TNK2: variants seen among roughly 807,000 people sequenced by gnomAD.
TNK2 encodes the protein activated CDC42 kinase 1.
In TNK2, 83 loss-of-function variants were observed where a neutral mutation model predicts 101.8. That is an observed-to-expected ratio of 0.82 (90% CI 0.68 to 0.98). The LOEUF is 0.98. TNK2 is among the 50% of genes least tolerant of loss of function. The pLI, the probability that TNK2 is intolerant of heterozygous loss-of-function variation, is 0.00. For missense variants in TNK2, 1,665 were observed against 1,483.2 expected, an observed-to-expected ratio of 1.12 and a Z score of -2.01; for synonymous variants, 804 against 633.0, an observed-to-expected ratio of 1.27 and a Z score of -4.06.
At chr3:195,900,783 G>C (rs1166786650) in intron 1 of TNK2, among the ~76,000 whole-genome samples, 11 of 152,214 alleles carry the variant, frequency 7.2e-5, no homozygotes, top group African/African-American at 2.2e-4. Context: ...GGCCCAGAGG[G>C]AAGGATGTGG....
chr3:195,904,330 C>T (rs1407715222), intron 1 of TNK2, among the ~76,000 whole-genome samples: 2 of 149,438 alleles, frequency 1.3e-5, no homozygotes, highest in South Asian at 4.2e-4. Context: ...TATATTCATA[C>T]AATAGAATAT....
In TNK2 at chr3:195,878,934, G is replaced by A. The variant is rs1750934805; in HGVS notation, c.1014+115C>T. On this transcript the variant is annotated intron_variant, in intron 7 of 15. Transcript: ENST00000672887. The surrounding 1 kb of genome is among the most constrained non-coding windows in gnomAD (Gnocchi z 4.7). ...AGGCACGGGAAGTGGGGGGAGGCACGGGGCGTGGGAGGAGGGAGTCCATTG... is the reference window on the plus strand; with the variant it reads ...AGGCACGGGAAGTGGGGGGAGGCACAGGGCGTGGGAGGAGGGAGTCCATTG... 6.0e-6 allele frequency: 9 copies of A among 1,495,386 alleles called. 1 individual carries two copies. Among genetic ancestry groups the A allele is most frequent in the Admixed American group, 3.6e-5 (2 of 55,358 alleles). The allele number at this position is 1,495,386 out of a possible 1,614,324, so 92.6% of individuals were successfully genotyped here. A position where few individuals can be genotyped will look rare whatever the true frequency, so the allele number is the denominator to read the frequency against.
chr3:195,873,133 G>A (rs954003175), intron 9 of TNK2, among the ~76,000 whole-genome samples: 2 of 152,166 alleles, frequency 1.3e-5, no homozygotes, highest in African/African-American at 2.4e-5. Flanking sequence ...GAGCCTCCCC[G>A]TCTCCTCAGG....
intron 1 of TNK2, among the ~76,000 whole-genome samples, chr3:195,904,798 T>C (rs958181960): frequency 4.6e-5 from 7 of 152,178 alleles, no homozygotes; most frequent in Non-Finnish European, 8.8e-5. Context: ...CAATAAAAGA[T>C]GGAAAAGACT....
intron 10 of TNK2, 50 bp from the exon 11 acceptor site, chr3:195,870,255 G>A: frequency 1.9e-6 from 3 of 1,598,470 alleles, no homozygotes; most frequent in Non-Finnish European, 8.5e-7. Context: ...GTGTGGAGGG[G>A]TGGCAGAATC....
chr3:195,866,255 C>T (rs905426169), intron 15 of TNK2, among the ~76,000 whole-genome samples: 23 of 151,774 alleles, frequency 1.5e-4, no homozygotes, highest in Middle Eastern at 3.2e-3. Context: ...GGATGGAGTG[C>T]AGTGGTGCAA....
At chr3:195,899,101 AAAT>A (rs1227682979) in intron 1 of TNK2, among the ~76,000 whole-genome samples, 3 of 152,156 alleles carry the variant, frequency 2.0e-5, no homozygotes, top group Non-Finnish European at 4.4e-5. Flanking sequence ...CTCAATAAAT[AAAT>A]AATAAAAAAA....
At chr3:195,877,193 T>A (rs1027543792) in intron 9 of TNK2, among the ~76,000 whole-genome samples, 3 of 152,146 alleles carry the variant, frequency 2.0e-5, no homozygotes, top group Non-Finnish European at 4.4e-5. Context: ...CAGGCCTCTC[T>A]TTCTAGAACC....
Position 195,892,421 on chromosome 3 carries a change from C to A in TNK2, c.-18-3815G>T, listed in dbSNP as rs778181656. On this transcript the variant is annotated intron_variant, in intron 1 of 15. Coordinates refer to ENST00000672887, the MANE Select transcript of TNK2 (RefSeq NM_001382273.1). ...CTGCCCCCCACTCACTGTGTACAGG[C>A]GTCGCCGCAGTCTGGCCAGGAGAGG... is the stretch of plus-strand genomic sequence containing the variant. 3 of 1,535,048 alleles carry A rather than the reference C, an allele frequency of 2.0e-6. No individual in the cohort carries two copies. In the East Asian group the frequency reaches 7.3e-5, roughly 38 times the overall value.
chr3:195,902,392 C>T (rs1288210592), intron 1 of TNK2, among the ~76,000 whole-genome samples: 2 of 151,960 alleles, frequency 1.3e-5, no homozygotes, highest in African/African-American at 4.8e-5. Context: ...CCGAGGTGGG[C>T]GAATCACTTG....
chr3:195,883,053 AGGAT>A, intron 5 of TNK2, 100 bp downstream of exon 5: 1 of 1,421,836 alleles, frequency 7.0e-7, no homozygotes, highest in African/African-American at 1.4e-5. Flanking sequence ...GGACCAAAGT[AGGAT>A]CTAGGGCGCC....
rs73087335 is a variant in TNK2 at position 195,887,956 on chromosome 3, G to A, written c.163+470C>T. 2.1e-3 allele frequency among the ~76,000 whole-genome samples: 36 copies of A among 16,980 alleles called. No homozygotes were observed. In the African/African-American group the frequency reaches 0.023, roughly 11 times the overall value. The allele number at this position is 16,980 out of a possible 152,430, so 11.1% of individuals were successfully genotyped here. ...TGTGCGCATGTGCGTGTGTGCCTGCGTGTGTGTGTGTGTGTGTGTATGCCT... is the reference window on the plus strand; with the variant it reads ...TGTGCGCATGTGCGTGTGTGCCTGCATGTGTGTGTGTGTGTGTGTATGCCT... On this transcript the variant is annotated intron_variant, in intron 2 of 15. Coordinates refer to ENST00000672887, the MANE Select transcript of TNK2 (RefSeq NM_001382273.1).
At chr3:195,883,691 T>C in intron 4 of TNK2, 1 of 175,590 alleles carries the variant, frequency 5.7e-6, no homozygotes. Context: ...CTCAGCTCAC[T>C]GCAACCTCTG....
intron 1 of TNK2, among the ~76,000 whole-genome samples, chr3:195,905,282 C>T (rs976602454): frequency 6.6e-5 from 10 of 152,164 alleles, no homozygotes; most frequent in Non-Finnish European, 1.3e-4. Flanking sequence ...TCACTGCAAC[C>T]TCCGCCTCCC....
At chr3:195,883,413 A>C in intron 4 of TNK2, 104 bp from the exon 5 acceptor site, 1 of 1,394,364 alleles carries the variant, frequency 7.2e-7, no homozygotes, top group Non-Finnish European at 9.8e-7. Flanking sequence ...CCTGCCTGTG[A>C]GCTCCTCATC....
chr3:195,888,615 G>A lies in TNK2; in HGVS notation c.-18-9C>T. 6.2e-7 allele frequency: 1 copy of A among 1,603,394 alleles called. No individual in the cohort carries two copies. The highest frequency in any genetic ancestry group is 8.5e-7 in the Non-Finnish European group (1 of 1,175,320). On this transcript the variant is annotated splice_polypyrimidine_tract_variant and intron_variant, in intron 1 of 15. Transcript: ENST00000672887. The surrounding 1 kb of genome is among the most constrained non-coding windows in gnomAD (Gnocchi z 5.3). ...CTGCCGCCTCCCAGCCTCTGTGGGGGGAGGAGTGGCTCAGGGACAAGGGTT... is the reference window on the plus strand; with the variant it reads ...CTGCCGCCTCCCAGCCTCTGTGGGGAGAGGAGTGGCTCAGGGACAAGGGTT...
At position 195,867,488 on chromosome 3, in the gene TNK2, T is replaced by G. The variant is rs1449879950; in HGVS notation, c.2810A>C (p.Asn937Thr). The change falls in exon 13 of 16, where the codon AAC becomes ACC. Residue 937 changes from asparagine to threonine, a missense_variant. Asn to Thr is a moderately conservative substitution (Grantham distance 65). Around this residue, in one of 3 missense-constraint regions of TNK2, gnomAD observed 1,136 missense variants for 894.9 expected, o/e 1.27. Coordinates refer to ENST00000672887, the MANE Select transcript of TNK2 (RefSeq NM_001382273.1). Reference protein sequence around the residue: ...MPQAALDPKANFSTNNSNPGA... With the variant: ...MPQAALDPKATFSTNNSNPGA... Reference sequence around the variant, plus strand: ...TGGGTTGCTGTTGTTGGTGGAGAAGTTGGCCTTGGGGTCCAAGGCAGCCTG... The same window carrying G: ...TGGGTTGCTGTTGTTGGTGGAGAAGGTGGCCTTGGGGTCCAAGGCAGCCTG... 5 of 1,574,700 alleles carry G rather than the reference T, an allele frequency of 3.2e-6. No individual in the cohort carries two copies. Among genetic ancestry groups the G allele is most frequent in the Non-Finnish European group, 4.3e-6 (5 of 1,168,432 alleles).
At chr3:195,887,929 TGTGTGC>T (rs1756738821) in intron 2 of TNK2, among the ~76,000 whole-genome samples, 1 of 137,814 alleles carries the variant, frequency 7.3e-6, no homozygotes, top group Non-Finnish European at 1.6e-5. Flanking sequence ...TGCGTGCACG[TGTGTGC>T]GCATGTGCGT....
Position 195,867,884 on chromosome 3 carries a change from C to T in TNK2, c.2414G>A (p.Arg805Lys). ...PREPLSPQGS[R>K]TPSPLVPPGS... ...AGGTGGTACCAGGGGGCTGGGTGTC[C>T]TCGAGCCTTGAGGGGACAGGGGCTC... Residue 805 changes from arginine to lysine, a missense_variant, in exon 13 of 16, where the codon AGG becomes AAG. Physicochemically the swap from Arg to Lys is conservative, Grantham distance 26. Coordinates refer to ENST00000672887, the MANE Select transcript of TNK2 (RefSeq NM_001382273.1). 1 of 1,528,768 alleles carries T rather than the reference C, an allele frequency of 6.5e-7. No homozygotes were observed. The highest frequency in any genetic ancestry group is 8.7e-7 in the Non-Finnish European group (1 of 1,145,424). The allele number at this position is 1,528,768 out of a possible 1,614,324, so 94.7% of individuals were successfully genotyped here. A position where few individuals can be genotyped will look rare whatever the true frequency, so the allele number is the denominator to read the frequency against.
Sources: gnomAD v4.1 joint callset for allele counts (sites outside exome capture counted in the v4.1 genomes callset) on GRCh38, gnomAD v4.1.1 for gene constraint, gnomAD v4.1.1 regional missense constraint, Gnocchi (gnomAD v3.1) non-coding constraint, MANE v1.5 for transcripts, NCBI Gene and HGNC (gene_info 2026-07-23, HGNC 2026-07-21) for gene names.